WWOX: variants seen among roughly 807,000 people sequenced by gnomAD.
The protein encoded by WWOX is WW domain containing oxidoreductase, also known as WW domain-containing oxidoreductase.
A neutral mutation model predicts 46.2 loss-of-function variants in WWOX; 69 were observed. That is an observed-to-expected ratio of 1.49 (90% CI 1.23 to 1.82). The LOEUF (loss-of-function observed/expected upper bound fraction) is 1.82. WWOX is among the 40% of genes most tolerant of loss of function. The pLI is 0.00. For synonymous variants in WWOX, 359 were observed against 202.6 expected (o/e 1.77, Z -6.56); for missense variants, 919 against 542.6 (o/e 1.69, Z -6.89).
intron 4 of WWOX, among the ~76,000 whole-genome samples, chr16:78,151,391 T>C (rs927625319): frequency 3.3e-5 from 5 of 152,142 alleles, no homozygotes; most frequent in African/African-American, 1.2e-4. Context: ...TTCCTTAACA[T>C]TGGGGATCAG....
At chr16:78,408,602 A>C (rs1006675080) in intron 6 of WWOX, among the ~76,000 whole-genome samples, 1 of 152,200 alleles carries the variant, frequency 6.6e-6, no homozygotes, top group East Asian at 1.9e-4. Context: ...CTCCTGTCCT[A>C]CGTAGCTATC....
intron 8 of WWOX, among the ~76,000 whole-genome samples, chr16:78,934,782 G>A (rs909567483): frequency 6.6e-6 from 1 of 152,120 alleles, no homozygotes; most frequent in African/African-American, 2.4e-5. Context: ...TTTAAATGCA[G>A]GCCTATAGAG....
chr16:78,706,310 T>A (rs2048327747), intron 8 of WWOX, among the ~76,000 whole-genome samples: 1 of 152,106 alleles, frequency 6.6e-6, no homozygotes, highest in African/African-American at 2.4e-5. Flanking sequence ...TCAACACATC[T>A]CTTATTTCTT....
At chr16:78,155,976 T>G (rs995725514) in intron 4 of WWOX, among the ~76,000 whole-genome samples, 1 of 152,232 alleles carries the variant, frequency 6.6e-6, no homozygotes, top group African/African-American at 2.4e-5. Context: ...TATCATCTTT[T>G]GAAATAGCCA....
chr16:79,013,478 T>C, intron 8 of WWOX, among the ~76,000 whole-genome samples: 1 of 152,052 alleles, frequency 6.6e-6, no homozygotes, highest in Non-Finnish European at 1.5e-5. Flanking sequence ...CTTCTAAGAG[T>C]AAAACGCATG....
At chr16:78,720,200 A>G (rs975502935) in intron 8 of WWOX, among the ~76,000 whole-genome samples, 1 of 152,164 alleles carries the variant, frequency 6.6e-6, no homozygotes, top group South Asian at 2.1e-4. Context: ...TTTAGACCCT[A>G]CCAGTAAGAC....
chr16:78,989,679 G>A (rs2046845713), intron 8 of WWOX, among the ~76,000 whole-genome samples: 1 of 152,170 alleles, frequency 6.6e-6, no homozygotes, highest in African/African-American at 2.4e-5. Context: ...GTGTTAGGGA[G>A]CAGAGAGCAT....
At position 78,594,429 on chromosome 16, in the gene WWOX, G is replaced by GCCCCCCCCCCCCCCCCC. The variant is rs138806967; in HGVS notation, c.1056+161693_1056+161694insCCCCCCCCCCCCCCCCC. Among the ~76,000 whole-genome samples the GCCCCCCCCCCCCCCCCC allele has an allele frequency of 4.6e-4, 15 of 32,392 alleles. 2 individuals carry two copies. The highest frequency in any genetic ancestry group is 9.5e-4 in the African/African-American group (7 of 7,376). The allele number at this position is 32,392 out of a possible 152,430, so 21.3% of individuals were successfully genotyped here. Reference sequence around the variant, plus strand: ...TCTTGACGAAGAAGACTGAGGAAAGGCCCCCCCCCCCCCCCCGCCAAATTG... The same window carrying GCCCCCCCCCCCCCCCCC: ...TCTTGACGAAGAAGACTGAGGAAAGGCCCCCCCCCCCCCCCCCCCCCCCCCCCCCCCCCGCCAAATTG... On this transcript the variant is annotated intron_variant, in intron 8 of 8. Coordinates refer to ENST00000566780, the MANE Select transcript of WWOX (RefSeq NM_016373.4).
In WWOX at chr16:79,059,305, G is replaced by A. The variant is rs1042433284; in HGVS notation, c.1057-152303G>A. 2.6e-5 allele frequency among the ~76,000 whole-genome samples: 4 copies of A among 152,136 alleles called. No homozygotes were observed. The East Asian group carries it at 5.8e-4, about 22-fold the overall frequency. ...CCCTCATGTTGAAGTCCTTAATCTA[G>A]TGTGTAATTGCTTAAGTGAGCACAT... On this transcript the variant is annotated intron_variant, in intron 8 of 8. Coordinates refer to ENST00000566780, the MANE Select transcript of WWOX (RefSeq NM_016373.4).
At chr16:78,396,784 A>C (rs895516677) in intron 6 of WWOX, among the ~76,000 whole-genome samples, 1 of 152,226 alleles carries the variant, frequency 6.6e-6, no homozygotes, top group Non-Finnish European at 1.5e-5. Flanking sequence ...TGTTGAATAC[A>C]TTGTTGAGTG....
At chr16:78,527,656 A>C (rs1018350413) in intron 8 of WWOX, among the ~76,000 whole-genome samples, 1 of 152,062 alleles carries the variant, frequency 6.6e-6, no homozygotes, top group South Asian at 2.1e-4. Context: ...CCTACTATGC[A>C]CCTTACAGCT....
At chr16:78,682,786 C>G (rs2047760731) in intron 8 of WWOX, among the ~76,000 whole-genome samples, 1 of 152,200 alleles carries the variant, frequency 6.6e-6, no homozygotes, top group African/African-American at 2.4e-5. Flanking sequence ...GCCAGTACTT[C>G]TTGCACCATT....
At chr16:78,657,368 C>T (rs2047105292) in intron 8 of WWOX, among the ~76,000 whole-genome samples, 3 of 152,098 alleles carry the variant, frequency 2.0e-5, no homozygotes, top group Admixed American at 2.0e-4. Context: ...CATAGTTCTC[C>T]CCCATCCTGT....
At chr16:78,238,817 C>G (rs1393472896) in intron 5 of WWOX, among the ~76,000 whole-genome samples, 1 of 151,912 alleles carries the variant, frequency 6.6e-6, no homozygotes, top group Non-Finnish European at 1.5e-5. Flanking sequence ...TGGGGCTTCT[C>G]CATTTTGGTC....
chr16:78,843,500 A>G (rs1386084397), intron 8 of WWOX, among the ~76,000 whole-genome samples: 2 of 150,064 alleles, frequency 1.3e-5, no homozygotes, highest in Non-Finnish European at 3.0e-5. Flanking sequence ...CACCCTCCAT[A>G]TGCAACAAAC....
chr16:78,982,394 C>T (rs188473809), intron 8 of WWOX, among the ~76,000 whole-genome samples: 3 of 152,276 alleles, frequency 2.0e-5, no homozygotes, highest in African/African-American at 4.8e-5. Context: ...CCAGAATACA[C>T]GTGTGTGCTG....
Position 78,120,059 on chromosome 16 carries a change from C to T in WWOX, c.409+4905C>T, listed in dbSNP as rs555836743. ...TTTTTTTCCTGCAAACAAATACAAG[C>T]TGGCCACACTGGTAAATACCAGTGA... On this transcript the variant is annotated intron_variant, in intron 4 of 8. Transcript: ENST00000566780. Among the ~76,000 whole-genome samples, 267 of 152,172 alleles carry T rather than the reference C, an allele frequency of 1.8e-3. 3 individuals carry two copies. Among genetic ancestry groups the T allele is most frequent in the African/African-American group, 6.2e-3 (257 of 41,508 alleles).
intron 8 of WWOX, among the ~76,000 whole-genome samples, chr16:78,484,768 A>G (rs2084587161): frequency 6.6e-6 from 1 of 152,160 alleles, no homozygotes; most frequent in Admixed American, 6.5e-5. Flanking sequence ...GTCAGCCTGA[A>G]AGAAGTGATT....
chr16:78,793,406 C>G (rs764310802), intron 8 of WWOX, among the ~76,000 whole-genome samples: 4 of 152,150 alleles, frequency 2.6e-5, no homozygotes, highest in Non-Finnish European at 5.9e-5. Flanking sequence ...ACTGCACAGA[C>G]TATACGGCTG....
Sources: allele counts gnomAD v4.1 joint callset (sites outside exome capture counted in the v4.1 genomes callset), GRCh38; gene constraint gnomAD v4.1.1; transcripts MANE v1.5; gene names NCBI Gene and HGNC (gene_info 2026-07-23, HGNC 2026-07-21).